TULP3: variants seen among roughly 807,000 people sequenced by gnomAD.
TULP3 encodes TUB like protein 3.
A neutral mutation model predicts 50.7 loss-of-function variants in TULP3; 38 were observed. That is an observed-to-expected ratio of 0.75 (90% CI 0.58 to 0.98). TULP3 has a LOEUF of 0.98. Among genes scored for constraint, TULP3 ranks in the 50% least tolerant of loss-of-function variants. TULP3 has a pLI of 0.00. For missense variants in TULP3, 550 were observed against 568.0 expected (o/e 0.97, Z 0.32); for synonymous variants, 183 against 196.6 (o/e 0.93, Z 0.58).
chr12:2,911,664 C>CTTTT (rs56027951), intron 2 of TULP3, among the ~76,000 whole-genome samples: 589 of 38,134 alleles, frequency 0.015, 136 homozygotes, highest in Middle Eastern at 0.05. Context: ...TGCGCCCAGC[C>CTTTT]TTTTTTTTTT....
intron 2 of TULP3, among the ~76,000 whole-genome samples, chr12:2,912,433 C>T (rs2098186208): frequency 6.6e-6 from 1 of 152,112 alleles, no homozygotes; most frequent in Non-Finnish European, 1.5e-5. Flanking sequence ...CAGTGCACAC[C>T]CATCAGTGAC....
intron 1 of TULP3, among the ~76,000 whole-genome samples, chr12:2,907,677 C>T (rs1361012477): frequency 1.3e-5 from 2 of 151,410 alleles, no homozygotes; most frequent in Admixed American, 6.6e-5. Context: ...TATTCTTATA[C>T]ACACTGAACA....
chr12:2,900,659 C>T (rs1011447978), intron 1 of TULP3, among the ~76,000 whole-genome samples: 1 of 151,198 alleles, frequency 6.6e-6, no homozygotes, highest in Non-Finnish European at 1.5e-5. Context: ...TGTGTATATC[C>T]TTCTGGAATT....
chr12:2,906,836 A>C (rs968481537), intron 1 of TULP3, among the ~76,000 whole-genome samples: 3 of 151,444 alleles, frequency 2.0e-5, no homozygotes, highest in Non-Finnish European at 4.4e-5. Context: ...GAATCGCTTG[A>C]ATCTGGGAAG....
chr12:2,908,555 G>A (rs950752782), intron 1 of TULP3, among the ~76,000 whole-genome samples: 1 of 151,952 alleles, frequency 6.6e-6, no homozygotes, highest in Non-Finnish European at 1.5e-5. Flanking sequence ...TTCCTGAATA[G>A]CTGGAATTAC....
At chr12:2,933,286 C>T (rs2098199246) in intron 6 of TULP3, 132 bp from the exon 7 acceptor site, 1 of 615,562 alleles carries the variant, frequency 1.6e-6, no homozygotes, top group African/African-American at 1.8e-5. Context: ...GATAAAGGCC[C>T]AAAGATTAAC....
intron 6 of TULP3, 135 bp from the exon 7 acceptor site, chr12:2,933,283 G>A (rs530459054): frequency 2.8e-5 from 17 of 610,660 alleles, no homozygotes; most frequent in African/African-American, 2.0e-4. Context: ...AGGGATAAAG[G>A]CCCAAAGATT....
chr12:2,909,382 A>T, intron 1 of TULP3, 147 bp from the exon 2 acceptor site: 1 of 660,548 alleles, frequency 1.5e-6, no homozygotes, highest in African/African-American at 1.9e-5. Context: ...TCCTGTAGCC[A>T]GTGTGGGTAG....
intron 1 of TULP3, among the ~76,000 whole-genome samples, chr12:2,903,579 AAAAAG>A (rs2098180484): frequency 6.6e-6 from 1 of 151,982 alleles, no homozygotes; most frequent in Admixed American, 6.6e-5. Flanking sequence ...AAAAAAAAGA[AAAAAG>A]AAAAAAATGA....
At position 2,937,717 on chromosome 12, in the gene TULP3, T is replaced by G; in HGVS notation, c.1011T>G (p.Tyr337Ter). The G allele has an allele frequency of 1.2e-6, 2 of 1,611,052 alleles. No individual in the cohort carries two copies. The highest frequency in any genetic ancestry group is 1.7e-6 in the Non-Finnish European group (2 of 1,179,078). The change falls in exon 9 of 11, where the codon TAT becomes TAG. Residue 337 changes from tyrosine to a stop codon, truncating the protein, a stop_gained. Coordinates refer to ENST00000448120, the MANE Select transcript of TULP3 (RefSeq NM_003324.5). LOFTEE classifies it high-confidence loss of function. ...CACTGAATCATAAGCAGATCCCCTA[T>G]CAGCCACAAAACGTGAGTAAGAATG... The part of the protein sequence containing the change: ...GMTLNHKQIP[Y>*]QPQNNHDSLL...
intron 4 of TULP3, among the ~76,000 whole-genome samples, chr12:2,925,004 T>C (rs1392680123): frequency 6.6e-6 from 1 of 152,100 alleles, no homozygotes; most frequent in African/African-American, 2.4e-5. Context: ...GGTGAAACCC[T>C]GTCTCTACTA....
rs370311648 is a variant in TULP3, at chr12:2,934,525, G to C, written c.888G>C (p.Ala296=). ...CPMKGRGLVG[A]AHTRQELAAI... ...TGAAGGGCCGGGGTTTGGTAGGAGC[G>C]GCCCACACCCGGCAGGAGCTGGCTG... The change falls in exon 8 of 11, where the codon GCG becomes GCC. Residue 296 remains alanine, a synonymous_variant. Coordinates refer to ENST00000448120, the MANE Select transcript of TULP3 (RefSeq NM_003324.5). 6.3e-7 allele frequency: 1 copy of C among 1,599,502 alleles called. No individual in the cohort carries two copies. The highest frequency in any genetic ancestry group is 1.1e-5 in the South Asian group (1 of 88,720).
chr12:2,902,796 C>G (rs1297306080), intron 1 of TULP3, among the ~76,000 whole-genome samples: 1 of 151,852 alleles, frequency 6.6e-6, no homozygotes, highest in Admixed American at 6.6e-5. Flanking sequence ...CTTCATTGTT[C>G]ATACCATCTT....
At chr12:2,893,897 G>A (rs1422484796) in intron 1 of TULP3, among the ~76,000 whole-genome samples, 1 of 151,630 alleles carries the variant, frequency 6.6e-6, no homozygotes, top group Non-Finnish European at 1.5e-5. Context: ...TCCTGCCTCA[G>A]CCTCCCAAAG....
intron 2 of TULP3, among the ~76,000 whole-genome samples, chr12:2,916,545 A>C (rs997679832): frequency 3.3e-5 from 5 of 152,178 alleles, no homozygotes; most frequent in Non-Finnish European, 7.3e-5. Flanking sequence ...AGTGTGTTTT[A>C]ATTGCATTTA....
intron 4 of TULP3, among the ~76,000 whole-genome samples, chr12:2,929,759 T>G (rs573140900): frequency 2.7e-4 from 41 of 151,924 alleles, no homozygotes; most frequent in Non-Finnish European, 3.5e-4. Context: ...CCCGGCTAAT[T>G]TTTTGTATTT....
At chr12:2,897,634 C>G (rs1038963023) in intron 1 of TULP3, among the ~76,000 whole-genome samples, 10 of 151,086 alleles carry the variant, frequency 6.6e-5, no homozygotes, top group African/African-American at 2.2e-4. Context: ...TTCGTTTGTT[C>G]TCTCTCTCAA....
At chr12:2,893,327 G>GTTTT (rs36190881) in intron 1 of TULP3, among the ~76,000 whole-genome samples, 26,365 of 127,634 alleles carry the variant, frequency 0.21, 2,985 homozygotes, top group East Asian at 0.26. Context: ...TGTTTAATGT[G>GTTTT]TTTTTTTTTT....
rs771074689 is a variant in TULP3, at chr12:2,937,200, A to ATTTTTTTTT, written c.925-408_925-400dup. Among the ~76,000 whole-genome samples the ATTTTTTTTT allele has an allele frequency of 2.8e-4, 15 of 54,468 alleles. 3 individuals are homozygous for ATTTTTTTTT. The highest frequency in any genetic ancestry group is 5.2e-4 in the African/African-American group (7 of 13,458). The allele number at this position is 54,468 out of a possible 152,430, so 35.7% of individuals were successfully genotyped here. ...AATAAAATTATTTTTGGTACACCTG[A>ATTTTTTTTT]TTTTTTTTTTTTTTTTTTTTTTTTT... is the stretch of plus-strand genomic sequence containing the variant. On this transcript the variant is annotated intron_variant, in intron 8 of 10. Coordinates refer to ENST00000448120, the MANE Select transcript of TULP3 (RefSeq NM_003324.5).
Sources: gnomAD v4.1 joint callset for allele counts (sites outside exome capture counted in the v4.1 genomes callset) on GRCh38, gnomAD v4.1.1 for gene constraint, MANE v1.5 for transcripts, NCBI Gene and HGNC (gene_info 2026-07-23, HGNC 2026-07-21) for gene names.